The following P3H2 variants were observed in gnomAD, a reference collection of about 807,000 sequenced individuals.
The protein encoded by P3H2 is prolyl 3-hydroxylase 2.
In P3H2, 80 loss-of-function variants were observed where a neutral mutation model predicts 87.0. The observed-to-expected ratio is 0.92, with a 90% CI of 0.77 to 1.11. The LOEUF is 1.11. Ranked by LOEUF, P3H2 falls within the 50% of genes least tolerant of loss-of-function variation. The pLI is 0.00. For missense variants in P3H2, 1,001 were observed against 923.9 expected, an observed-to-expected ratio of 1.08 and a Z score of -1.08; for synonymous variants, 367 against 359.3, an observed-to-expected ratio of 1.02 and a Z score of -0.24.
intron 1 of P3H2, among the ~76,000 whole-genome samples, chr3:190,051,053 A>T (rs1725965838): frequency 6.6e-6 from 1 of 152,210 alleles, no homozygotes; most frequent in Non-Finnish European, 1.5e-5. Flanking sequence ...AGTCATAGCT[A>T]TAGGTAGTGC....
At chr3:189,968,762 T>C (rs1723078960) in intron 13 of P3H2, among the ~76,000 whole-genome samples, 1 of 152,188 alleles carries the variant, frequency 6.6e-6, no homozygotes, top group South Asian at 2.1e-4. Flanking sequence ...ATCTGTTGTT[T>C]CCTGACTTTT....
chr3:190,036,501 T>G (rs1424100872), intron 1 of P3H2, among the ~76,000 whole-genome samples: 1 of 34,226 alleles, frequency 2.9e-5, no homozygotes, highest in East Asian at 1.1e-3. Context: ...AATTTCATTC[T>G]TAACGTAATC....
chr3:189,994,807 A>G (rs1415210569), intron 2 of P3H2, among the ~76,000 whole-genome samples: 1 of 151,752 alleles, frequency 6.6e-6, no homozygotes, highest in Non-Finnish European at 1.5e-5. Context: ...TTTAGTCTAT[A>G]TAAAGAACTA....
intron 1 of P3H2, among the ~76,000 whole-genome samples, chr3:190,008,740 G>A (rs57731842): frequency 0.23 from 34,359 of 151,988 alleles, 4,157 homozygotes; most frequent in East Asian, 0.36. Context: ...CTAAAGCTCA[G>A]GCTGCTTTAC....
At chr3:190,062,996 G>A (rs1233555023) in intron 1 of P3H2, among the ~76,000 whole-genome samples, 2 of 152,108 alleles carry the variant, frequency 1.3e-5, no homozygotes, top group African/African-American at 4.8e-5. Flanking sequence ...TTAGCTCTGA[G>A]CTTTCATCAT....
chr3:190,006,598 G>T (rs74672958), intron 1 of P3H2, among the ~76,000 whole-genome samples: 3,127 of 152,238 alleles, frequency 0.021, 116 homozygotes, highest in African/African-American at 0.071. Flanking sequence ...ATCAAGAACT[G>T]GGAATTTACA....
chr3:189,979,668 A>C (rs1227831820), intron 8 of P3H2, among the ~76,000 whole-genome samples: 1 of 152,008 alleles, frequency 6.6e-6, no homozygotes, highest in African/African-American at 2.4e-5. Context: ...ACCTTTAAAA[A>C]TCTGGTGGGT....
chr3:189,968,378 A>G (rs1398784147), intron 13 of P3H2, among the ~76,000 whole-genome samples: 3 of 152,058 alleles, frequency 2.0e-5, no homozygotes, highest in African/African-American at 7.2e-5. Flanking sequence ...GTTTGTTGAG[A>G]ATGATGGTTT....
intron 1 of P3H2, among the ~76,000 whole-genome samples, chr3:190,045,575 C>A (rs902308009): frequency 6.6e-6 from 1 of 152,070 alleles, no homozygotes; most frequent in East Asian, 1.9e-4. Flanking sequence ...TGTGATGTGT[C>A]AACTTAACTA....
At chr3:190,060,461 A>G (rs1262292693) in intron 1 of P3H2, among the ~76,000 whole-genome samples, 1 of 152,188 alleles carries the variant, frequency 6.6e-6, no homozygotes, top group Non-Finnish European at 1.5e-5. Flanking sequence ...GCCAGACTTA[A>G]GAGAAAAATT....
intron 8 of P3H2, among the ~76,000 whole-genome samples, chr3:189,980,468 C>G (rs1723495656): frequency 6.6e-6 from 1 of 151,790 alleles, no homozygotes; most frequent in African/African-American, 2.4e-5. Context: ...GAGGCTGAGG[C>G]AGAAGAATCG....
chr3:190,019,794 A>ATATATG lies in P3H2; in HGVS notation c.481-24353_481-24352insCATATA, dbSNP rs1424364848. Among the ~76,000 whole-genome samples the ATATATG allele has an allele frequency of 1.4e-4, 6 of 43,796 alleles. 1 individual carries two copies. The highest frequency in any genetic ancestry group is 3.9e-4 in the African/African-American group (6 of 15,528). The allele number at this position is 43,796 out of a possible 152,430, so 28.7% of individuals were successfully genotyped here. ...TACCTAGAAATTAAAAAATATATAT[A>ATATATG]TATATATATATATATATATATACTC... On this transcript the variant is annotated intron_variant, in intron 1 of 14. Coordinates refer to ENST00000319332, the MANE Select transcript of P3H2 (RefSeq NM_018192.4).
Position 190,120,847 on chromosome 3 carries a change from G to A in P3H2, c.-116C>T. 1 of 1,425,288 alleles carries A rather than the reference G, an allele frequency of 7.0e-7. No individual in the cohort carries two copies. The allele number at this position is 1,425,288 out of a possible 1,614,324, so 88.3% of individuals were successfully genotyped here. On this transcript the variant is annotated 5_prime_UTR_variant, in exon 1 of 15. Transcript: ENST00000319332. ...AAGCGCGCCGACTCCGCCGCGATCT[G>A]GCCGCTCCGCGAGCCCCAGGTGACC... is the stretch of plus-strand genomic sequence containing the variant.
Position 189,957,428 on chromosome 3 carries a change from T to C in P3H2, c.*484A>G. The C allele has an allele frequency of 2.7e-6, 1 of 376,684 alleles. No individual in the cohort carries two copies. Among genetic ancestry groups the C allele is most frequent in the African/African-American group, 2.2e-5 (1 of 45,510 alleles). 23.3% of individuals were successfully genotyped at this position (376,684 alleles called of 1,614,324 possible). ...CTTATTCTCTCTAAGCTTTTGAATT[T>C]GCAGCAACTTAATTGTGTGTGTGTG... is the stretch of plus-strand genomic sequence containing the variant. On this transcript the variant is annotated 3_prime_UTR_variant, in exon 15 of 15. Coordinates refer to ENST00000319332, the MANE Select transcript of P3H2 (RefSeq NM_018192.4).
At chr3:190,027,624 CTTTTTTT>C (rs539796963) in intron 1 of P3H2, among the ~76,000 whole-genome samples, 73 of 136,758 alleles carry the variant, frequency 5.3e-4, no homozygotes, top group Non-Finnish European at 9.2e-4. Flanking sequence ...CGGTTTTTAC[CTTTTTTT>C]TTTTTTTTAA....
chr3:190,021,559 T>C (rs1231738989), intron 1 of P3H2, among the ~76,000 whole-genome samples: 1 of 134,760 alleles, frequency 7.4e-6, no homozygotes, highest in African/African-American at 2.6e-5. Flanking sequence ...ATCCCTAAAT[T>C]ATGTAAACTT....
chr3:190,079,845 T>G (rs1726988971), intron 1 of P3H2, among the ~76,000 whole-genome samples: 1 of 152,212 alleles, frequency 6.6e-6, no homozygotes, highest in South Asian at 2.1e-4. Flanking sequence ...CCTAGGCAGT[T>G]AACCTGTCAG....
At chr3:189,973,648 C>T (rs1560343230) in intron 10 of P3H2, among the ~76,000 whole-genome samples, 3 of 151,330 alleles carry the variant, frequency 2.0e-5, no homozygotes, top group Admixed American at 6.6e-5. Flanking sequence ...CTCAGCCTCC[C>T]GAGTAGCTGG....
chr3:189,963,919 G>A (rs1560337666), intron 14 of P3H2, 39 bp downstream of exon 14: 1 of 1,612,712 alleles, frequency 6.2e-7, no homozygotes, highest in Non-Finnish European at 8.5e-7. Flanking sequence ...AGTTCATGAA[G>A]CAAGCCTAAT....
Sources: allele counts gnomAD v4.1 joint callset (sites outside exome capture counted in the v4.1 genomes callset), GRCh38; gene constraint gnomAD v4.1.1; transcripts MANE v1.5; gene names NCBI Gene and HGNC (gene_info 2026-07-23, HGNC 2026-07-21).